Variants in TSHZ2 observed in about 807,000 individuals in gnomAD.
TSHZ2 encodes the protein teashirt zinc finger homeobox 2.
A neutral mutation model predicts 74.4 loss-of-function variants in TSHZ2; 21 were observed. The ratio of observed to expected loss-of-function variants is 0.28; its 90% CI spans 0.20 to 0.41. The LOEUF is 0.41. Ranked by LOEUF, TSHZ2 falls within the 10% of genes least tolerant of loss-of-function variation. The probability of loss-of-function intolerance (pLI) is 1.00; values close to 1 mark genes in which losing one functional copy is unlikely to be tolerated. For synonymous variants in TSHZ2, 540 were observed against 515.3 expected, an observed-to-expected ratio of 1.05 and a Z score of -0.65; for missense variants, 1,244 against 1,293.5, an observed-to-expected ratio of 0.96 and a Z score of 0.59.
rs142900511 is a variant in TSHZ2 at position 53,124,846 on chromosome 20, C to A, written c.41-128653C>A. 4.3e-3 allele frequency among the ~76,000 whole-genome samples: 647 copies of A among 152,196 alleles called. 7 individuals are homozygous for A. Among genetic ancestry groups the A allele is most frequent in the African/African-American group, 0.014 (597 of 41,524 alleles). ...ACACAGCCAGGGAGTGGGCATAACACGTGATTGTTAGGAGGTTAGCAAACT... is the reference window on the plus strand; with the variant it reads ...ACACAGCCAGGGAGTGGGCATAACAAGTGATTGTTAGGAGGTTAGCAAACT... On this transcript the variant is annotated intron_variant, in intron 1 of 2. Coordinates refer to ENST00000371497, the MANE Select transcript of TSHZ2 (RefSeq NM_173485.6).
intron 2 of TSHZ2, among the ~76,000 whole-genome samples, chr20:53,465,396 G>A (rs746781466): frequency 8.6e-5 from 13 of 151,972 alleles, no homozygotes; most frequent in Non-Finnish European, 1.8e-4. Flanking sequence ...TCAGCCTCCC[G>A]AGAAGCTGGG....
chr20:53,357,293 CTAT>C (rs1298059675), intron 2 of TSHZ2, among the ~76,000 whole-genome samples: 2 of 152,078 alleles, frequency 1.3e-5, no homozygotes, highest in East Asian at 3.8e-4. Context: ...TAATTTGTTA[CTAT>C]TATTTTCTTA....
At chr20:53,338,425 A>G (rs192916213) in intron 2 of TSHZ2, among the ~76,000 whole-genome samples, 65 of 152,316 alleles carry the variant, frequency 4.3e-4, no homozygotes, top group Non-Finnish European at 7.3e-4. Flanking sequence ...CACAATTAGT[A>G]TTCTCTCTTC....
chr20:53,015,775 A>G (rs1443784140), intron 1 of TSHZ2, among the ~76,000 whole-genome samples: 1 of 152,038 alleles, frequency 6.6e-6, no homozygotes, highest in Non-Finnish European at 1.5e-5. Context: ...CTCACCGGTG[A>G]TCATGCTGCT....
At chr20:53,080,758 C>T (rs545586583) in intron 1 of TSHZ2, among the ~76,000 whole-genome samples, 4 of 152,268 alleles carry the variant, frequency 2.6e-5, no homozygotes, top group South Asian at 4.1e-4. Flanking sequence ...TAACAGGCCA[C>T]GGACCTGTAC....
chr20:53,310,853 T>TA (rs2145500440), intron 2 of TSHZ2, among the ~76,000 whole-genome samples: 1 of 152,320 alleles, frequency 6.6e-6, no homozygotes, highest in South Asian at 2.1e-4. Context: ...TGCCGTATTC[T>TA]ATTGGTTAAA....
chr20:53,368,281 T>C (rs1981344512), intron 2 of TSHZ2, among the ~76,000 whole-genome samples: 1 of 151,672 alleles, frequency 6.6e-6, no homozygotes, highest in African/African-American at 2.4e-5. Context: ...GGTTTTGGAC[T>C]CGATGGTAAT....
intron 2 of TSHZ2, among the ~76,000 whole-genome samples, chr20:53,444,915 G>T (rs1424551632): frequency 1.3e-5 from 2 of 152,178 alleles, no homozygotes; most frequent in Non-Finnish European, 2.9e-5. Context: ...ACTGTCCCTT[G>T]CTCCTCCAAG....
At chr20:53,367,006 C>T (rs1278167576) in intron 2 of TSHZ2, among the ~76,000 whole-genome samples, 1 of 152,126 alleles carries the variant, frequency 6.6e-6, no homozygotes, top group African/African-American at 2.4e-5. Flanking sequence ...GGATCCAAGC[C>T]TGGTTCAAAC....
At chr20:53,459,158 G>A (rs918312614) in intron 2 of TSHZ2, among the ~76,000 whole-genome samples, 1 of 152,158 alleles carries the variant, frequency 6.6e-6, no homozygotes, top group African/African-American at 2.4e-5. Flanking sequence ...ACAGTGGGGT[G>A]TTAAAGACTC....
chr20:53,079,823 GTTTTT>G (rs11086412), intron 1 of TSHZ2, among the ~76,000 whole-genome samples: 1 of 149,642 alleles, frequency 6.7e-6, no homozygotes, highest in African/African-American at 2.5e-5. Flanking sequence ...TTCTTTTTCT[GTTTTT>G]TTTTTCTTTT....
intron 1 of TSHZ2, among the ~76,000 whole-genome samples, chr20:53,215,442 C>T (rs780099737): frequency 2.0e-5 from 3 of 151,616 alleles, no homozygotes; most frequent in Admixed American, 1.3e-4. Context: ...GGTTGAGTGG[C>T]TTTTGCCAGA....
chr20:53,132,950 G>A (rs767376541), intron 1 of TSHZ2, among the ~76,000 whole-genome samples: 5 of 151,724 alleles, frequency 3.3e-5, no homozygotes, highest in African/African-American at 4.8e-5. Flanking sequence ...TCTTTCTACC[G>A]TTTTCTATCT....
chr20:53,346,149 C>T, intron 2 of TSHZ2, among the ~76,000 whole-genome samples: 1 of 152,242 alleles, frequency 6.6e-6, no homozygotes, highest in East Asian at 1.9e-4. Context: ...TTTCATCTCA[C>T]ATCCACCTTA....
At chr20:53,301,320 A>G (rs951803283) in intron 2 of TSHZ2, among the ~76,000 whole-genome samples, 7 of 152,246 alleles carry the variant, frequency 4.6e-5, no homozygotes, top group African/African-American at 1.4e-4. Flanking sequence ...GGTAGCAGAA[A>G]GAATATGCCA....
chr20:53,488,966 G>A lies in TSHZ2; in HGVS notation c.*1831G>A, dbSNP rs78744772. On this transcript the variant is annotated 3_prime_UTR_variant, in exon 3 of 3. Coordinates refer to ENST00000371497, the MANE Select transcript of TSHZ2 (RefSeq NM_173485.6). ...AAAAATATGGCGCTTCGGGGAAGGA[G>A]GGAAAAAGTAAATGAAGTTCCAGGA... 5.7e-4 allele frequency: 258 copies of A among 455,968 alleles called. 4 individuals are homozygous for A. In the East Asian group the frequency reaches 0.013, roughly 22 times the overall value. The allele number at this position is 455,968 out of a possible 1,614,324, so 28.2% of individuals were successfully genotyped here. A position where few individuals can be genotyped will look rare whatever the true frequency, so the allele number is the denominator to read the frequency against.
At chr20:53,082,408 G>A (rs903779396) in intron 1 of TSHZ2, among the ~76,000 whole-genome samples, 1 of 152,208 alleles carries the variant, frequency 6.6e-6, no homozygotes, top group Non-Finnish European at 1.5e-5. Flanking sequence ...TTCTCACTGA[G>A]TGGGAGGCAC....
chr20:53,136,545 T>C (rs1242814054), intron 1 of TSHZ2, among the ~76,000 whole-genome samples: 2 of 152,204 alleles, frequency 1.3e-5, no homozygotes, highest in Non-Finnish European at 1.5e-5. Context: ...CCCACTTCAG[T>C]AGACACTCTT....
chr20:53,314,348 CTAAT>C (rs1389382780), intron 2 of TSHZ2, among the ~76,000 whole-genome samples: 1 of 151,524 alleles, frequency 6.6e-6, no homozygotes, highest in Non-Finnish European at 1.5e-5. Flanking sequence ...TGCTGTGTAA[CTAAT>C]CGACCCCAAA....
Sources: gnomAD v4.1 joint callset for allele counts (sites outside exome capture counted in the v4.1 genomes callset) on GRCh38, gnomAD v4.1.1 for gene constraint, MANE v1.5 for transcripts, NCBI Gene and HGNC (gene_info 2026-07-23, HGNC 2026-07-21) for gene names.